CCDC102B: variants seen among roughly 807,000 people sequenced by gnomAD.
CCDC102B encodes the protein coiled-coil domain containing 102B.
Under a neutral mutation model 57.4 loss-of-function variants are expected in CCDC102B, and 75 were observed. That is an observed-to-expected ratio of 1.31 (90% CI 1.08 to 1.58). CCDC102B has a LOEUF of 1.58. Among genes scored for constraint, CCDC102B ranks in the 40% most tolerant of loss-of-function variants. The pLI is 0.00. For synonymous variants in CCDC102B, 206 were observed against 201.9 expected, an observed-to-expected ratio of 1.02 and a Z score of -0.17; for missense variants, 636 against 582.6, an observed-to-expected ratio of 1.09 and a Z score of -0.94.
rs1210292250 is a variant in CCDC102B at position 68,813,773 on chromosome 18, T to TA, written c.-16+15592_-16+15593insA. 8.4e-5 allele frequency among the ~76,000 whole-genome samples: 12 copies of TA among 142,046 alleles called. No individual in the cohort carries two copies. The East Asian group carries it at 8.6e-4, about 10-fold the overall frequency. 93.2% of individuals were successfully genotyped at this position (142,046 alleles called of 152,430 possible). On this transcript the variant is annotated intron_variant, in intron 1 of 7. Transcript: ENST00000360242. ...AGATGAAGTCATATTAAAATATAAT[T>TA]TTATATATATATATATATATCTTTA...
At chr18:68,840,008 A>G (rs1456473551) in intron 3 of CCDC102B, among the ~76,000 whole-genome samples, 4 of 152,170 alleles carry the variant, frequency 2.6e-5, no homozygotes, top group Non-Finnish European at 5.9e-5. Flanking sequence ...AGCCTTTCTC[A>G]GTGAATTCTC....
Position 69,008,690 on chromosome 18 carries a change from C to T in CCDC102B, c.1264-2244C>T, listed in dbSNP as rs530467122. ...GGACCAGCATTTTCTCTGCCAGGTCCTGCCCTGCATCCACACCCTCACCCC... is the reference window on the plus strand; with the variant it reads ...GGACCAGCATTTTCTCTGCCAGGTCTTGCCCTGCATCCACACCCTCACCCC... On this transcript the variant is annotated intron_variant, in intron 6 of 7. Coordinates refer to ENST00000360242, the MANE Select transcript of CCDC102B (RefSeq NM_024781.3). Among the ~76,000 whole-genome samples, 70 of 152,268 alleles carry T rather than the reference C, an allele frequency of 4.6e-4. 1 individual carries two copies. Among genetic ancestry groups the T allele is most frequent in the African/African-American group, 1.6e-3 (65 of 41,568 alleles).
chr18:68,926,197 A>G (rs1300341579), intron 6 of CCDC102B, among the ~76,000 whole-genome samples: 1 of 151,940 alleles, frequency 6.6e-6, no homozygotes, highest in Non-Finnish European at 1.5e-5. Context: ...ATATGCAAGA[A>G]CAAGAAAAGT....
chr18:68,956,362 T>TA (rs1249349308), intron 6 of CCDC102B, among the ~76,000 whole-genome samples: 1 of 48,784 alleles, frequency 2.0e-5, no homozygotes, highest in Non-Finnish European at 4.3e-5. Context: ...ATATATATAA[T>TA]ATATATATAA....
intron 6 of CCDC102B, among the ~76,000 whole-genome samples, chr18:68,901,941 A>G (rs980595887): frequency 6.6e-5 from 10 of 152,158 alleles, no homozygotes; most frequent in African/African-American, 2.4e-4. Context: ...AACCTCCTTC[A>G]TTCTGAACCC....
intron 5 of CCDC102B, among the ~76,000 whole-genome samples, chr18:68,893,899 A>C (rs936441203): frequency 6.6e-6 from 1 of 151,996 alleles, no homozygotes; most frequent in South Asian, 2.1e-4. Flanking sequence ...GTTCTCCCCA[A>C]ATCCTAACAT....
At chr18:68,906,020 C>T (rs553614841) in intron 6 of CCDC102B, among the ~76,000 whole-genome samples, 12 of 152,110 alleles carry the variant, frequency 7.9e-5, no homozygotes, top group African/African-American at 2.9e-4. Context: ...GTCTTGATCG[C>T]CTGACCTCGT....
At chr18:68,723,274 G>A (rs773596428) in intron 2 of CCDC102B, among the ~76,000 whole-genome samples, 1 of 152,144 alleles carries the variant, frequency 6.6e-6, no homozygotes, top group Non-Finnish European at 1.5e-5. Context: ...TTCAAGATGA[G>A]ATTTGGGTGG....
At chr18:68,995,055 C>T (rs2050984547) in intron 6 of CCDC102B, among the ~76,000 whole-genome samples, 2 of 152,080 alleles carry the variant, frequency 1.3e-5, no homozygotes, top group Admixed American at 1.3e-4. Context: ...TGGTCTCAGA[C>T]GGAGATGAGG....
chr18:68,965,791 G>T (rs2050152598), intron 6 of CCDC102B, among the ~76,000 whole-genome samples: 1 of 151,864 alleles, frequency 6.6e-6, no homozygotes, highest in Admixed American at 6.6e-5. Flanking sequence ...CTAAACATTT[G>T]GTGTACTATG....
At chr18:69,047,191 G>A (rs575688001) in intron 7 of CCDC102B, among the ~76,000 whole-genome samples, 6 of 152,004 alleles carry the variant, frequency 3.9e-5, no homozygotes, top group South Asian at 2.1e-4. Flanking sequence ...ATCTGCCATC[G>A]CATCAAAAAG....
chr18:68,770,363 CATTTATTTCTT>C (rs750081364), intron 2 of CCDC102B, among the ~76,000 whole-genome samples: 29 of 152,224 alleles, frequency 1.9e-4, no homozygotes, highest in Non-Finnish European at 3.7e-4. Context: ...CAAAAATTAG[CATTTATTTCTT>C]ATGTATCCAT....
chr18:68,761,437 T>C (rs2034250756), intron 2 of CCDC102B, among the ~76,000 whole-genome samples: 1 of 152,010 alleles, frequency 6.6e-6, no homozygotes, highest in African/African-American at 2.4e-5. Flanking sequence ...TTTACGTGGG[T>C]AATCAATCAA....
chr18:68,941,971 A>G (rs1228673646), intron 6 of CCDC102B, among the ~76,000 whole-genome samples: 2 of 152,020 alleles, frequency 1.3e-5, no homozygotes, highest in African/African-American at 4.8e-5. Context: ...TGTGCTGGTA[A>G]TTGTCTGCCT....
At chr18:68,751,121 TAGA>T (rs1288561273) in intron 2 of CCDC102B, among the ~76,000 whole-genome samples, 4 of 152,054 alleles carry the variant, frequency 2.6e-5, no homozygotes, top group East Asian at 3.9e-4. Flanking sequence ...ATAGAGAAGA[TAGA>T]AGATGTTCTC....
chr18:68,909,163 C>T (rs1352456500), intron 6 of CCDC102B, among the ~76,000 whole-genome samples: 1 of 95,258 alleles, frequency 1.0e-5, no homozygotes, highest in African/African-American at 4.1e-5. Flanking sequence ...AAAAGGAAAA[C>T]AAGAAGGAAG....
intron 1 of CCDC102B, among the ~76,000 whole-genome samples, chr18:68,834,328 A>C (rs933115072): frequency 1.3e-5 from 2 of 151,718 alleles, no homozygotes; most frequent in African/African-American, 4.8e-5. Context: ...TTTAAGTTTA[A>C]TATGCTGAAT....
chr18:68,931,296 A>T (rs550498765), intron 6 of CCDC102B, among the ~76,000 whole-genome samples: 1 of 152,104 alleles, frequency 6.6e-6, no homozygotes, highest in South Asian at 2.1e-4. Context: ...ATTTTAAGAT[A>T]CTTGTATTAT....
At chr18:68,765,309 GA>G (rs1292462197) in intron 2 of CCDC102B, among the ~76,000 whole-genome samples, 1 of 62,630 alleles carries the variant, frequency 1.6e-5, no homozygotes, top group Admixed American at 1.9e-4. Context: ...AGGAAGGAAG[GA>G]AGGAAGGAAG....
Sources: allele counts gnomAD v4.1 joint callset (sites outside exome capture counted in the v4.1 genomes callset), GRCh38; gene constraint gnomAD v4.1.1; transcripts MANE v1.5; gene names NCBI Gene and HGNC (gene_info 2026-07-23, HGNC 2026-07-21).